TMEM161A: variants seen among roughly 807,000 people sequenced by gnomAD.
The protein encoded by TMEM161A is transmembrane protein 161A.
Under a neutral mutation model 57.1 loss-of-function variants are expected in TMEM161A, and 46 were observed. That is an observed-to-expected ratio of 0.81 (90% CI 0.64 to 1.03). The LOEUF is 1.03. Ranked by LOEUF, TMEM161A falls within the 50% of genes least tolerant of loss-of-function variation. TMEM161A has a pLI of 0.00. For missense variants in TMEM161A, 601 were observed against 621.5 expected, an observed-to-expected ratio of 0.97 and a Z score of 0.35; for synonymous variants, 288 against 279.0, an observed-to-expected ratio of 1.03 and a Z score of -0.32.
Position 19,121,016 on chromosome 19 carries a change from G to C in TMEM161A, c.1065C>G (p.Ile355Met). 1 of 1,608,456 alleles carries C rather than the reference G, an allele frequency of 6.2e-7. No individual in the cohort carries two copies. Among genetic ancestry groups the C allele is most frequent in the Middle Eastern group, 1.7e-4 (1 of 6,046 alleles). ...CCCTCTGCTGGATTTCACGGGCTTC[G>C]ATGCGGCCAGCCTCCCTTCGCAGCT... ...VEQLRREAGR[I>M]EAREIQQRVV... Residue 355 changes from isoleucine (I) to methionine (M), a missense_variant, in exon 10 of 12, where the codon ATC becomes ATG. Transcript: ENST00000162044. The surrounding 1 kb of genome is among the most constrained non-coding windows in gnomAD (Gnocchi z 5.8).
At chr19:19,137,798 C>G (rs1194086628) in intron 1 of TMEM161A, among the ~76,000 whole-genome samples, 1 of 152,194 alleles carries the variant, frequency 6.6e-6, no homozygotes, top group Non-Finnish European at 1.5e-5. Flanking sequence ...CATCTCCCTG[C>G]ACCAGCCTGA....
chr19:19,126,158 C>T (rs2059930334), intron 6 of TMEM161A, among the ~76,000 whole-genome samples: 1 of 73,168 alleles, frequency 1.4e-5, no homozygotes, highest in Admixed American at 1.6e-4. Flanking sequence ...GAGCGAGACT[C>T]TGTCTCAAAA....
chr19:19,130,935 C>G (rs2146335459), intron 5 of TMEM161A, among the ~76,000 whole-genome samples: 1 of 140,222 alleles, frequency 7.1e-6, no homozygotes, highest in Non-Finnish European at 1.5e-5. Flanking sequence ...ACAACAACAA[C>G]AGGCCAGGCG....
In TMEM161A at chr19:19,119,649, C is replaced by T. The variant is rs1347304928; in HGVS notation, c.*281G>A. The T allele has an allele frequency of 2.1e-6, 1 of 485,376 alleles. No individual in the cohort carries two copies. Among genetic ancestry groups the T allele is most frequent in the African/African-American group, 1.9e-5 (1 of 51,968 alleles). The allele number at this position is 485,376 out of a possible 1,614,324, so 30.1% of individuals were successfully genotyped here. A position where few individuals can be genotyped will look rare whatever the true frequency, so the allele number is the denominator to read the frequency against. Reference sequence around the variant, plus strand: ...AAATCGGCATGCTCCTTTATTTGTTCAGAAGAGCAGCCAGCATCACCCTTG... The same window carrying T: ...AAATCGGCATGCTCCTTTATTTGTTTAGAAGAGCAGCCAGCATCACCCTTG... On this transcript the variant is annotated 3_prime_UTR_variant, in exon 12 of 12. Transcript: ENST00000162044.
chr19:19,121,209 C>T lies in TMEM161A; in HGVS notation c.915-43G>A. ...GGGGCAAGGGACTAAGAAGGTCGCC[C>T]CCGACCCCCCAGGATCTTCCCCAGG... On this transcript the variant is annotated intron_variant, in intron 9 of 11. Coordinates refer to ENST00000162044, the MANE Select transcript of TMEM161A (RefSeq NM_017814.3). This position sits in a 1 kb window ranked among gnomAD's most constrained non-coding sequence, Gnocchi z 5.8. The T allele has an allele frequency of 1.3e-6, 2 of 1,556,322 alleles. No individual in the cohort carries two copies. The highest frequency in any genetic ancestry group is 1.4e-5 in the African/African-American group (1 of 73,704).
Position 19,119,786 on chromosome 19 carries a change from G to T in TMEM161A, c.*144C>A. On this transcript the variant is annotated 3_prime_UTR_variant, in exon 12 of 12. Coordinates refer to ENST00000162044, the MANE Select transcript of TMEM161A (RefSeq NM_017814.3). ...AAACTCGGCGTCCAAGGGGGGCCGCGGGTCAGGCACTGTGGTGAAGGGAAC... is the reference window on the plus strand; with the variant it reads ...AAACTCGGCGTCCAAGGGGGGCCGCTGGTCAGGCACTGTGGTGAAGGGAAC... The T allele has an allele frequency of 9.4e-7, 1 of 1,064,264 alleles. No homozygotes were observed. Among genetic ancestry groups the T allele is most frequent in the Non-Finnish European group, 1.3e-6 (1 of 755,588 alleles). 65.9% of individuals were successfully genotyped at this position (1,064,264 alleles called of 1,614,324 possible).
At position 19,119,829 on chromosome 19, in the gene TMEM161A, CA is replaced by C; in HGVS notation, c.*100del. The C allele has an allele frequency of 7.0e-7, 1 of 1,430,980 alleles. No homozygotes were observed. The highest frequency in any genetic ancestry group is 9.4e-7 in the Non-Finnish European group (1 of 1,067,180). The allele number at this position is 1,430,980 out of a possible 1,614,324, so 88.6% of individuals were successfully genotyped here. On this transcript the variant is annotated 3_prime_UTR_variant, in exon 12 of 12. Transcript: ENST00000162044. Reference sequence around the variant, plus strand: ...AAGGGAACGCCGGGGAGTCCGGCCCCACCTTGCAGCTGGGGACACGGGGGCG... The same window carrying C: ...AAGGGAACGCCGGGGAGTCCGGCCCCCCTTGCAGCTGGGGACACGGGGGCG...
chr19:19,135,156 C>T (rs1025707871), intron 1 of TMEM161A, among the ~76,000 whole-genome samples: 5 of 151,994 alleles, frequency 3.3e-5, no homozygotes, highest in Admixed American at 6.6e-5. Flanking sequence ...CTCCCGCCTC[C>T]GCTATGGATT....
chr19:19,133,251 G>A, intron 2 of TMEM161A, 41 bp from the exon 3 acceptor site: 1 of 1,597,942 alleles, frequency 6.3e-7, no homozygotes, highest in Non-Finnish European at 8.6e-7. Context: ...TCAGGCGTGG[G>A]GTTGGGAGGT....
chr19:19,122,798 T>A (rs924293393), intron 6 of TMEM161A, among the ~76,000 whole-genome samples: 6 of 146,686 alleles, frequency 4.1e-5, no homozygotes, highest in Non-Finnish European at 7.5e-5. Context: ...CAAATTCATA[T>A]GAGCTCACAG....
intron 11 of TMEM161A, 42 bp downstream of exon 11, chr19:19,120,723 C>A (rs776362986): frequency 5.3e-5 from 81 of 1,517,420 alleles, no homozygotes; most frequent in Admixed American, 6.9e-5. Flanking sequence ...GTTTTATCTT[C>A]CAACTCCGCC....
chr19:19,128,355 C>A lies in TMEM161A; in HGVS notation c.595+1801G>T, dbSNP rs966941104. Among the ~76,000 whole-genome samples, 5 of 151,774 alleles carry A rather than the reference C, an allele frequency of 3.3e-5. No homozygotes were observed. The East Asian group carries it at 7.7e-4, about 23-fold the overall frequency. On this transcript the variant is annotated intron_variant, in intron 6 of 11. Coordinates refer to ENST00000162044, the MANE Select transcript of TMEM161A (RefSeq NM_017814.3). The stretch of plus-strand genomic sequence containing the variant: ...CACGCCATTCTCCTGCCTCAGCCTC[C>A]CAAGTAGCTGGGACTATAGGCGTGT...
At chr19:19,137,010 C>T (rs537893673) in intron 1 of TMEM161A, among the ~76,000 whole-genome samples, 3 of 150,738 alleles carry the variant, frequency 2.0e-5, no homozygotes, top group Admixed American at 2.0e-4. Context: ...GGGTTTTAAC[C>T]ACCCAATCAG....
chr19:19,130,039 C>G (rs1213088210), intron 6 of TMEM161A, 117 bp downstream of exon 6: 1 of 1,230,068 alleles, frequency 8.1e-7, no homozygotes, highest in African/African-American at 1.5e-5. Flanking sequence ...CTGCCTTCAC[C>G]CCAGGAGCCC....
At chr19:19,122,198 G>A (rs529591713) in intron 6 of TMEM161A, among the ~76,000 whole-genome samples, 1 of 152,306 alleles carries the variant, frequency 6.6e-6, no homozygotes, top group African/African-American at 2.4e-5. Flanking sequence ...AGAGGCTGAG[G>A]CAGGAGAATC....
chr19:19,120,216 GA>G (rs1249187003), intron 11 of TMEM161A, 33 bp from the exon 12 acceptor site: 4 of 1,496,192 alleles, frequency 2.7e-6, no homozygotes, highest in Non-Finnish European at 1.8e-6. Flanking sequence ...GGTATGAGTG[GA>G]AAAATGGGGG....
intron 1 of TMEM161A, among the ~76,000 whole-genome samples, chr19:19,135,849 T>C (rs971595420): frequency 6.6e-6 from 1 of 152,216 alleles, no homozygotes; most frequent in Admixed American, 6.5e-5. Flanking sequence ...CGGTTGGGAT[T>C]ACAGGCGTGA....
chr19:19,133,830 C>G (rs902009888), intron 2 of TMEM161A, among the ~76,000 whole-genome samples: 2 of 152,186 alleles, frequency 1.3e-5, no homozygotes, highest in South Asian at 4.1e-4. Flanking sequence ...AGTACAGTGG[C>G]ACCATCTCAG....
At position 19,132,494 on chromosome 19, in the gene TMEM161A, G is replaced by A. The variant is rs146418943; in HGVS notation, c.301C>T (p.Leu101=). The part of the protein sequence containing the change: ...TVDALVLRFF[L]EYQWFVDFAV... ...AAGTCCACAAACCACTGGTACTCCA[G>A]GAAGAAGCGCAGGACTGTGGGGGGC... The change falls in exon 5 of 12, where the codon CTG becomes TTG. Residue 101 remains leucine, a synonymous_variant. Coordinates refer to ENST00000162044, the MANE Select transcript of TMEM161A (RefSeq NM_017814.3). This position sits in a 1 kb window ranked among gnomAD's most constrained non-coding sequence, Gnocchi z 4.3. 8.9e-5 allele frequency: 144 copies of A among 1,613,984 alleles called. No individual in the cohort carries two copies. The African/African-American group carries it at 1.7e-3, about 19-fold the overall frequency.
Sources: allele counts gnomAD v4.1 joint callset (sites outside exome capture counted in the v4.1 genomes callset), GRCh38; gene constraint gnomAD v4.1.1; non-coding constraint Gnocchi (gnomAD v3.1); transcripts MANE v1.5; gene names NCBI Gene and HGNC (gene_info 2026-07-23, HGNC 2026-07-21).